Variants in NALF1 observed in about 807,000 individuals in gnomAD.
NALF1 encodes family with sequence similarity 155 member A.
In NALF1, 3 loss-of-function variants were observed where a neutral mutation model predicts 48.4. The ratio of observed to expected loss-of-function variants is 0.06; its 90% CI spans 0.03 to 0.16. The LOEUF (loss-of-function observed/expected upper bound fraction) is 0.16, where lower values mean the gene tolerates loss of function less well. Among genes scored for constraint, NALF1 ranks in the 10% least tolerant of loss-of-function variants. NALF1 has a pLI of 1.00. For synonymous variants in NALF1, 262 were observed against 245.7 expected (o/e 1.07, Z -0.62); for missense variants, 526 against 571.5 (o/e 0.92, Z 0.81).
At chr13:107,782,996 G>A (rs867611035) in intron 1 of NALF1, among the ~76,000 whole-genome samples, 1,814 of 145,216 alleles carry the variant, frequency 0.012, 54 homozygotes, top group African/African-American at 0.045. Flanking sequence ...CCGGCCAGCC[G>A]CCCCGTCCGG....
At chr13:107,764,431 CTGTG>C (rs369988050) in intron 1 of NALF1, among the ~76,000 whole-genome samples, 8 of 151,494 alleles carry the variant, frequency 5.3e-5, no homozygotes, top group African/African-American at 1.7e-4. Context: ...ACTTATACAT[CTGTG>C]TGTGTGTGTT....
intron 1 of NALF1, among the ~76,000 whole-genome samples, chr13:107,386,081 T>A (rs1883525869): frequency 6.6e-6 from 1 of 151,430 alleles, no homozygotes; most frequent in South Asian, 2.1e-4. Flanking sequence ...CCTTTAAATG[T>A]CTTAAAATTT....
chr13:107,772,149 G>A (rs1246858538), intron 1 of NALF1, among the ~76,000 whole-genome samples: 1 of 152,012 alleles, frequency 6.6e-6, no homozygotes, highest in Non-Finnish European at 1.5e-5. Context: ...CACACGTATC[G>A]TATCTAGGGT....
chr13:107,377,274 G>A (rs1055872920), intron 1 of NALF1, among the ~76,000 whole-genome samples: 7 of 152,200 alleles, frequency 4.6e-5, no homozygotes, highest in African/African-American at 1.7e-4. Flanking sequence ...AGGTGGGACT[G>A]GGAAGGCGTG....
intron 1 of NALF1, among the ~76,000 whole-genome samples, chr13:107,294,126 A>C (rs899589584): frequency 6.6e-6 from 1 of 152,134 alleles, no homozygotes; most frequent in East Asian, 1.9e-4. Flanking sequence ...ATCTCGAAGA[A>C]CTACTGCCAA....
At chr13:107,732,973 G>A (rs1212273530) in intron 1 of NALF1, among the ~76,000 whole-genome samples, 1 of 152,138 alleles carries the variant, frequency 6.6e-6, no homozygotes, top group East Asian at 1.9e-4. Flanking sequence ...GAGGTTTGGG[G>A]TGACGGCACC....
chr13:107,226,912 C>T (rs1477952674), intron 1 of NALF1, among the ~76,000 whole-genome samples: 3 of 152,210 alleles, frequency 2.0e-5, no homozygotes, highest in Non-Finnish European at 4.4e-5. Context: ...AGAACTGATG[C>T]GCCCAGACAT....
chr13:107,276,165 C>T (rs1881276625), intron 1 of NALF1, among the ~76,000 whole-genome samples: 1 of 152,160 alleles, frequency 6.6e-6, no homozygotes, highest in Non-Finnish European at 1.5e-5. Context: ...GCCCAGCCCA[C>T]ACTCAGTGGG....
At chr13:107,693,893 G>A (rs1216665149) in intron 1 of NALF1, among the ~76,000 whole-genome samples, 1 of 152,130 alleles carries the variant, frequency 6.6e-6, no homozygotes, top group East Asian at 1.9e-4. Flanking sequence ...TTGCTTGCAA[G>A]ATCTTATTAG....
intron 1 of NALF1, among the ~76,000 whole-genome samples, chr13:107,531,925 A>G (rs144633515): frequency 6.6e-6 from 1 of 152,182 alleles, no homozygotes; most frequent in East Asian, 1.9e-4. Context: ...GCAATCTTCT[A>G]TTTACGTATT....
At chr13:107,374,759 T>C (rs984029620) in intron 1 of NALF1, among the ~76,000 whole-genome samples, 26 of 152,066 alleles carry the variant, frequency 1.7e-4, no homozygotes, top group African/African-American at 6.0e-4. Flanking sequence ...ATCATGGAAG[T>C]GGGTTTGTTA....
chr13:107,743,293 T>TGG (rs1376166246), intron 1 of NALF1, among the ~76,000 whole-genome samples: 1 of 152,194 alleles, frequency 6.6e-6, no homozygotes, highest in Non-Finnish European at 1.5e-5. Flanking sequence ...TGTAAGTGAT[T>TGG]CGTAAGATCA....
intron 1 of NALF1, among the ~76,000 whole-genome samples, chr13:107,258,011 G>A (rs978766732): frequency 6.6e-6 from 1 of 152,162 alleles, no homozygotes; most frequent in African/African-American, 2.4e-5. Context: ...TATATAAACA[G>A]TAAACAAATA....
At chr13:107,197,007 T>C (rs1473716602) in intron 2 of NALF1, among the ~76,000 whole-genome samples, 1 of 152,110 alleles carries the variant, frequency 6.6e-6, no homozygotes, top group African/African-American at 2.4e-5. Context: ...GGTGGGGCCT[T>C]TGGAAGGGAC....
intron 1 of NALF1, among the ~76,000 whole-genome samples, chr13:107,719,215 G>C (rs1875914709): frequency 6.6e-6 from 1 of 152,142 alleles, no homozygotes; most frequent in Non-Finnish European, 1.5e-5. Context: ...ATATCACAGA[G>C]ATTATCAATT....
intron 1 of NALF1, among the ~76,000 whole-genome samples, chr13:107,581,539 T>C (rs1274088199): frequency 1.3e-5 from 2 of 152,150 alleles, no homozygotes; most frequent in Non-Finnish European, 2.9e-5. Flanking sequence ...CATAAAACCT[T>C]GTGTACTACA....
At chr13:107,433,492 A>C (rs1884415547) in intron 1 of NALF1, among the ~76,000 whole-genome samples, 1 of 152,132 alleles carries the variant, frequency 6.6e-6, no homozygotes, top group Non-Finnish European at 1.5e-5. Flanking sequence ...TTATTTTTTA[A>C]CTGGAAATAC....
intron 1 of NALF1, among the ~76,000 whole-genome samples, chr13:107,630,745 AATAT>A (rs3073021): frequency 1.3e-5 from 2 of 150,596 alleles, no homozygotes. Context: ...CGGTTTGTAA[AATAT>A]ATATATATAT....
chr13:107,775,469 G>T (rs2138573821), intron 1 of NALF1, among the ~76,000 whole-genome samples: 1 of 151,800 alleles, frequency 6.6e-6, no homozygotes, highest in African/African-American at 2.4e-5. Flanking sequence ...TGGACATTTG[G>T]GTTGGTTCCA....
Sources: allele counts gnomAD v4.1 joint callset (sites outside exome capture counted in the v4.1 genomes callset), GRCh38; gene constraint gnomAD v4.1.1; transcripts MANE v1.5; gene names NCBI Gene and HGNC (gene_info 2026-07-23, HGNC 2026-07-21).